The following RMST variants were observed in gnomAD, a reference collection of about 807,000 sequenced individuals.
RMST encodes rhabdomyosarcoma 2 associated transcript, also known as long intergenic non-protein coding RNA 54.
chr12:97,465,828 T>A (rs1593104505), intron 5 of RMST: 1 of 152,100 alleles, frequency 6.6e-6, no homozygotes, highest in Admixed American at 6.5e-5. Flanking sequence ...TTATTTAAAA[T>A]TTGATTTTTT....
At chr12:97,489,105 T>A (rs1360717161) in intron 5 of RMST, among the ~76,000 whole-genome samples, 1 of 152,154 alleles carries the variant, frequency 6.6e-6, no homozygotes, top group Non-Finnish European at 1.5e-5. Flanking sequence ...TAAAAACAAT[T>A]AAGCAAGCAA....
At chr12:97,546,444 T>C (rs969413317) in intron 11 of RMST, among the ~76,000 whole-genome samples, 1 of 151,946 alleles carries the variant, frequency 6.6e-6, no homozygotes, top group African/African-American at 2.4e-5. Context: ...TAGCCAGGCA[T>C]GGTAGCACAC....
At chr12:97,559,116 C>T (rs1883923440) in intron 11 of RMST, among the ~76,000 whole-genome samples, 2 of 151,884 alleles carry the variant, frequency 1.3e-5, no homozygotes, top group Non-Finnish European at 1.5e-5. Flanking sequence ...CTCTCTCTCT[C>T]TCTGATATAC....
exon 11 of RMST, chr12:97,530,687 T>C (rs1421155283): frequency 6.6e-6 from 1 of 152,072 alleles, no homozygotes; most frequent in Non-Finnish European, 1.5e-5. Flanking sequence ...AGCTGGCTAA[T>C]GTCATAATTA....
intron 11 of RMST, among the ~76,000 whole-genome samples, chr12:97,537,768 C>T (rs1882183509): frequency 6.6e-6 from 1 of 151,442 alleles, no homozygotes; most frequent in Admixed American, 6.6e-5. Flanking sequence ...TCATGATATT[C>T]AGACAGAAAT....
At chr12:97,481,327 G>A (rs1593143641) in intron 5 of RMST, among the ~76,000 whole-genome samples, 1 of 152,058 alleles carries the variant, frequency 6.6e-6, no homozygotes, top group Non-Finnish European at 1.5e-5. Flanking sequence ...GTGTCAAAGT[G>A]TCACAAGAAT....
chr12:97,485,447 A>C (rs1383596842), intron 5 of RMST, among the ~76,000 whole-genome samples: 13 of 152,228 alleles, frequency 8.5e-5, no homozygotes. Flanking sequence ...TCATTAGAAG[A>C]AATTCCTATT....
chr12:97,481,183 AG>A (rs1875231315), intron 5 of RMST, among the ~76,000 whole-genome samples: 1 of 152,004 alleles, frequency 6.6e-6, no homozygotes. Context: ...ATTTCTTCTG[AG>A]GAAGAGCAAA....
intron 10 of RMST, among the ~76,000 whole-genome samples, chr12:97,509,524 G>A (rs1879062412): frequency 6.6e-6 from 1 of 152,084 alleles, no homozygotes; most frequent in African/African-American, 2.4e-5. Context: ...GCCTTGTAGG[G>A]GAAGTCACCT....
At chr12:97,556,949 G>C (rs975189235) in intron 11 of RMST, among the ~76,000 whole-genome samples, 6 of 152,064 alleles carry the variant, frequency 3.9e-5, no homozygotes, top group African/African-American at 1.4e-4. Context: ...TTTTCCTGAA[G>C]AAACTGTATA....
At chr12:97,529,822 A>G (rs1881472050) in intron 10 of RMST, among the ~76,000 whole-genome samples, 1 of 152,148 alleles carries the variant, frequency 6.6e-6, no homozygotes, top group African/African-American at 2.4e-5. Flanking sequence ...ATCAATAGAT[A>G]CACACTAATA....
At chr12:97,496,695 A>G (rs958093852) in intron 10 of RMST, among the ~76,000 whole-genome samples, 3 of 152,160 alleles carry the variant, frequency 2.0e-5, no homozygotes, top group Non-Finnish European at 2.9e-5. Flanking sequence ...TCTCATGTGC[A>G]TGCACATGAA....
intron 10 of RMST, among the ~76,000 whole-genome samples, chr12:97,517,232 A>G (rs1880028253): frequency 6.6e-6 from 1 of 152,010 alleles, no homozygotes; most frequent in South Asian, 2.1e-4. Flanking sequence ...GAATTAATCA[A>G]ACAGAAAGGA....
At chr12:97,563,135 T>C (rs1301018843) in intron 13 of RMST, 1 of 152,242 alleles carries the variant, frequency 6.6e-6, no homozygotes, top group East Asian at 1.9e-4. Flanking sequence ...TGAAGAATGT[T>C]CTTGGTCTTT....
At chr12:97,534,075 A>T (rs1201867583) in intron 11 of RMST, among the ~76,000 whole-genome samples, 2 of 151,756 alleles carry the variant, frequency 1.3e-5, no homozygotes, top group African/African-American at 4.8e-5. Flanking sequence ...TTTAACTAAG[A>T]TCTGTTTGCT....
intron 5 of RMST, among the ~76,000 whole-genome samples, chr12:97,484,230 C>T (rs1220815274): frequency 1.3e-5 from 2 of 152,140 alleles, no homozygotes; most frequent in Non-Finnish European, 2.9e-5. Context: ...TATAGCAATA[C>T]AACCATAAGA....
intron 5 of RMST, among the ~76,000 whole-genome samples, chr12:97,484,701 A>C (rs2136431674): frequency 6.6e-6 from 1 of 152,342 alleles, no homozygotes; most frequent in South Asian, 2.1e-4. Context: ...CATTTGAAAA[A>C]GAGCTCTTCT....
chr12:97,514,089 A>G (rs942193957), intron 10 of RMST, among the ~76,000 whole-genome samples: 1 of 152,190 alleles, frequency 6.6e-6, no homozygotes, highest in African/African-American at 2.4e-5. Context: ...CTCTTTGCAG[A>G]AGGTAACTCA....
intron 11 of RMST, among the ~76,000 whole-genome samples, chr12:97,551,351 T>C (rs769081938): frequency 1.3e-5 from 2 of 152,116 alleles, no homozygotes; most frequent in Non-Finnish European, 2.9e-5. Flanking sequence ...TACCTGGTAG[T>C]GGCTCATAGG....
Sources: allele counts gnomAD v4.1 joint callset (sites outside exome capture counted in the v4.1 genomes callset), GRCh38; gene constraint gnomAD v4.1.1; transcripts MANE v1.5; gene names NCBI Gene and HGNC (gene_info 2026-07-23, HGNC 2026-07-21).